Variants in PHACTR1 observed in about 807,000 individuals in gnomAD.
PHACTR1 encodes RPEL repeat containing 1.
Under a neutral mutation model 69.2 loss-of-function variants are expected in PHACTR1, and 16 were observed. The observed-to-expected ratio is 0.23, with a 90% confidence interval of 0.16 to 0.35. The LOEUF is 0.35. Ranked by LOEUF, PHACTR1 falls within the 10% of genes least tolerant of loss-of-function variation. PHACTR1 has a pLI of 1.00. For missense variants in PHACTR1, 510 were observed against 734.7 expected (o/e 0.69, Z 3.54); for synonymous variants, 312 against 284.5 (o/e 1.10, Z -0.97).
chr6:13,197,349 G>T (rs4715145), intron 7 of PHACTR1, among the ~76,000 whole-genome samples: 32,427 of 152,102 alleles, frequency 0.21, 4,202 homozygotes, highest in Non-Finnish European at 0.28. Context: ...CAACCCTAAG[G>T]TCCCCTCAGC....
rs994785645 is a variant in PHACTR1, at chr6:13,108,293, G to T, written c.416-51911G>T. ...TTTAATGAGACTTTTTTATGGCCTGGTGTATAAAATAACTTGGTGAATGTT... is the reference window on the plus strand; with the variant it reads ...TTTAATGAGACTTTTTTATGGCCTGTTGTATAAAATAACTTGGTGAATGTT... On this transcript the variant is annotated intron_variant, in intron 5 of 14. Coordinates refer to ENST00000332995, the MANE Select transcript of PHACTR1 (RefSeq NM_030948.6). 2.0e-5 allele frequency among the ~76,000 whole-genome samples: 3 copies of T among 151,970 alleles called. No homozygotes were observed. The South Asian group carries it at 6.2e-4, about 31-fold the overall frequency.
chr6:12,742,801 T>G (rs1765219051), intron 3 of PHACTR1, among the ~76,000 whole-genome samples: 1 of 152,108 alleles, frequency 6.6e-6, no homozygotes, highest in South Asian at 2.1e-4. Context: ...GGAGCTCAGT[T>G]ACAAAGCATA....
chr6:12,883,660 G>A (rs895518348), intron 4 of PHACTR1, among the ~76,000 whole-genome samples: 1 of 152,054 alleles, frequency 6.6e-6, no homozygotes, highest in Non-Finnish European at 1.5e-5. Context: ...GTCTGGGGAT[G>A]GCTCAGGTCC....
Position 13,127,553 on chromosome 6 carries a change from G to A in PHACTR1, c.416-32651G>A, listed in dbSNP as rs528486005. On this transcript the variant is annotated intron_variant, in intron 5 of 14. Transcript: ENST00000332995. ...CCACTGCACTCTAGGCTGCGTGACAGAGAGAGACCCTGTAAAAAAGAAACA... is the reference window on the plus strand; with the variant it reads ...CCACTGCACTCTAGGCTGCGTGACAAAGAGAGACCCTGTAAAAAAGAAACA... Among the ~76,000 whole-genome samples, 62 of 152,332 alleles carry A rather than the reference G, an allele frequency of 4.1e-4. No homozygotes were observed. The East Asian group carries it at 0.012, about 29-fold the overall frequency.
intron 4 of PHACTR1, among the ~76,000 whole-genome samples, chr6:12,959,624 A>G (rs1582704602): frequency 1.3e-5 from 2 of 152,158 alleles, no homozygotes; most frequent in South Asian, 4.2e-4. Flanking sequence ...TTTTATCTGG[A>G]TTTCCATCTG....
intron 5 of PHACTR1, among the ~76,000 whole-genome samples, chr6:13,158,191 A>G (rs529359338): frequency 6.7e-6 from 1 of 148,568 alleles, no homozygotes; most frequent in Admixed American, 6.6e-5. Context: ...TGCTTAGCAG[A>G]TCTTTTCAAA....
chr6:12,737,046 A>G (rs1215265369), intron 3 of PHACTR1, among the ~76,000 whole-genome samples: 1 of 149,766 alleles, frequency 6.7e-6, no homozygotes, highest in Non-Finnish European at 1.5e-5. Context: ...ATACACACAC[A>G]TTCACAGGTT....
chr6:13,062,846 A>G (rs149999515), intron 5 of PHACTR1, among the ~76,000 whole-genome samples: 4 of 152,320 alleles, frequency 2.6e-5, no homozygotes, highest in Non-Finnish European at 5.9e-5. Flanking sequence ...AAGACTAGCT[A>G]TGTCCACCAT....
chr6:12,861,380 T>C (rs189088420), intron 4 of PHACTR1, among the ~76,000 whole-genome samples: 22 of 152,316 alleles, frequency 1.4e-4, no homozygotes. Flanking sequence ...ACAAAAACAA[T>C]AATAATGCTA....
At chr6:12,773,113 T>C (rs1769599754) in intron 4 of PHACTR1, among the ~76,000 whole-genome samples, 1 of 152,222 alleles carries the variant, frequency 6.6e-6, no homozygotes, top group Non-Finnish European at 1.5e-5. Flanking sequence ...GAAGTATCTC[T>C]TTTGTAGAAG....
intron 4 of PHACTR1, among the ~76,000 whole-genome samples, chr6:12,983,801 G>A (rs1795808713): frequency 6.6e-6 from 1 of 152,056 alleles, no homozygotes; most frequent in Non-Finnish European, 1.5e-5. Context: ...ACAGTGTTTG[G>A]TTTTCTGTCC....
chr6:12,931,648 G>A (rs901213508), intron 4 of PHACTR1, among the ~76,000 whole-genome samples: 18 of 151,944 alleles, frequency 1.2e-4, no homozygotes, highest in African/African-American at 3.9e-4. Context: ...AGCATCCGGG[G>A]ACTTTAATTA....
chr6:13,258,362 G>GA lies in PHACTR1; in HGVS notation c.1392-14486dup, dbSNP rs60311779. 5.1e-3 allele frequency among the ~76,000 whole-genome samples: 734 copies of GA among 144,898 alleles called. 7 individuals are homozygous for GA. Among genetic ancestry groups the GA allele is most frequent in the African/African-American group, 0.016 (619 of 38,888 alleles). On this transcript the variant is annotated intron_variant, in intron 10 of 14. Coordinates refer to ENST00000332995, the MANE Select transcript of PHACTR1 (RefSeq NM_030948.6). ...AGAGAGAGACACCGTCTTAAAAAAA[G>GA]AAAAAAAAAAAACAGTGCTTAAGCT...
chr6:13,175,173 A>C (rs1344069971), intron 6 of PHACTR1, among the ~76,000 whole-genome samples: 1 of 152,220 alleles, frequency 6.6e-6, no homozygotes, highest in African/African-American at 2.4e-5. Context: ...AAATTCATTC[A>C]TTTACTTTCT....
chr6:13,136,118 C>T (rs1020162065), intron 5 of PHACTR1, among the ~76,000 whole-genome samples: 1 of 151,840 alleles, frequency 6.6e-6, no homozygotes, highest in African/African-American at 2.4e-5. Flanking sequence ...TGTCATTATT[C>T]TCACTGTACT....
chr6:12,810,827 C>T (rs1774933450), intron 4 of PHACTR1, among the ~76,000 whole-genome samples: 1 of 152,262 alleles, frequency 6.6e-6, no homozygotes, highest in African/African-American at 2.4e-5. Context: ...GCTTCTTTGC[C>T]CCTGCACTAT....
At position 12,718,691 on chromosome 6, in the gene PHACTR1, CT is replaced by C. The variant is rs999358708; in HGVS notation, c.-46-5del. The C allele has an allele frequency of 6.8e-5, 64 of 940,676 alleles. No homozygotes were observed. The Admixed American group carries it at 8.6e-4, about 13-fold the overall frequency. The allele number at this position is 940,676 out of a possible 1,614,324, so 58.3% of individuals were successfully genotyped here. On this transcript the variant is annotated splice_region_variant and splice_polypyrimidine_tract_variant and intron_variant, in intron 2 of 14. Coordinates refer to ENST00000332995, the MANE Select transcript of PHACTR1 (RefSeq NM_030948.6). ...AAAATATTGTGGATTTTTTTTTCCT[CT>C]TTATAGGTGTTCCAGTGTTTTCTCT...
At chr6:12,844,746 T>A in intron 4 of PHACTR1, among the ~76,000 whole-genome samples, 1 of 146,130 alleles carries the variant, frequency 6.8e-6, no homozygotes, top group South Asian at 2.2e-4. Context: ...GAATTAAAGG[T>A]GAAAGAAAAA....
chr6:12,901,819 T>G (rs2127483261), intron 4 of PHACTR1, among the ~76,000 whole-genome samples: 1 of 152,290 alleles, frequency 6.6e-6, no homozygotes, highest in South Asian at 2.1e-4. Flanking sequence ...ATAAGCTTTC[T>G]TATTGTACAG....
Sources: gnomAD v4.1 joint callset for allele counts (sites outside exome capture counted in the v4.1 genomes callset) on GRCh38, gnomAD v4.1.1 for gene constraint, MANE v1.5 for transcripts, NCBI Gene and HGNC (gene_info 2026-07-23, HGNC 2026-07-21) for gene names.